Variants in ANO10 observed in about 807,000 individuals in gnomAD.
The protein encoded by ANO10 is anoctamin 10.
ANO10 carries 77 observed loss-of-function variants against 74.7 expected under a neutral mutation model. That is an observed-to-expected ratio of 1.03 (90% CI 0.86 to 1.25). The LOEUF (loss-of-function observed/expected upper bound fraction) is 1.25. Ranked by LOEUF, ANO10 falls within the 50% of genes most tolerant of loss-of-function variation. ANO10 has a pLI of 0.00. For missense variants in ANO10, 721 were observed against 778.1 expected, an observed-to-expected ratio of 0.93 and a Z score of 0.87; for synonymous variants, 279 against 284.9, an observed-to-expected ratio of 0.98 and a Z score of 0.21.
chr3:43,445,444 C>T (rs1379527109), intron 11 of ANO10, among the ~76,000 whole-genome samples: 1 of 152,040 alleles, frequency 6.6e-6, no homozygotes, highest in Non-Finnish European at 1.5e-5. Context: ...TAATCTAAAA[C>T]TATCTTAAAA....
intron 11 of ANO10, among the ~76,000 whole-genome samples, chr3:43,481,934 T>C (rs535439454): frequency 2.0e-5 from 3 of 148,026 alleles, no homozygotes; most frequent in East Asian, 2.0e-4. Context: ...TTTCTTTTTT[T>C]TTTTTTTTTT....
chr3:43,557,064 T>C (rs2079785714), intron 9 of ANO10, among the ~76,000 whole-genome samples: 1 of 151,920 alleles, frequency 6.6e-6, no homozygotes, highest in Admixed American at 6.6e-5. Flanking sequence ...AATTAGAAAT[T>C]GTATTTTTAA....
intron 11 of ANO10, among the ~76,000 whole-genome samples, chr3:43,462,236 G>A (rs1234557638): frequency 1.3e-5 from 2 of 152,112 alleles, no homozygotes; most frequent in Non-Finnish European, 2.9e-5. Context: ...TATTTTGTTT[G>A]TTTGCTTTTC....
At chr3:43,664,668 C>T (rs1289102055) in intron 1 of ANO10, among the ~76,000 whole-genome samples, 1 of 151,938 alleles carries the variant, frequency 6.6e-6, no homozygotes, top group African/African-American at 2.4e-5. Context: ...CTACAAAGAA[C>T]TTAAATTTAC....
At chr3:43,427,293 G>A (rs1002178560) in intron 12 of ANO10, among the ~76,000 whole-genome samples, 1 of 152,098 alleles carries the variant, frequency 6.6e-6, no homozygotes, top group Non-Finnish European at 1.5e-5. Context: ...ATTGATAAAA[G>A]TGGGGTGGAG....
At chr3:43,529,934 G>C (rs182118706) in intron 11 of ANO10, among the ~76,000 whole-genome samples, 51 of 152,162 alleles carry the variant, frequency 3.4e-4, no homozygotes, top group African/African-American at 1.2e-3. Flanking sequence ...AACATATTCT[G>C]CATCTCAATT....
intron 4 of ANO10, among the ~76,000 whole-genome samples, chr3:43,585,285 G>A (rs539928433): frequency 9.9e-5 from 15 of 152,080 alleles, no homozygotes; most frequent in African/African-American, 3.6e-4. Context: ...CAATGACCAT[G>A]ATCAAAATGA....
intron 1 of ANO10, among the ~76,000 whole-genome samples, chr3:43,639,988 G>A (rs1376492869): frequency 6.6e-5 from 10 of 152,150 alleles, no homozygotes; most frequent in Admixed American, 6.5e-4. Context: ...AGTCCTGAGA[G>A]TCGGGGTTGC....
intron 4 of ANO10, among the ~76,000 whole-genome samples, chr3:43,583,846 A>G (rs907539763): frequency 3.3e-5 from 5 of 152,232 alleles, no homozygotes; most frequent in Non-Finnish European, 1.5e-5. Flanking sequence ...AAATGCTATC[A>G]TAAGGTTCTA....
chr3:43,617,223 C>T (rs528664128), intron 1 of ANO10, among the ~76,000 whole-genome samples: 9 of 150,748 alleles, frequency 6.0e-5, no homozygotes, highest in African/African-American at 2.2e-4. Context: ...TTAAGTCTTC[C>T]TGCAGGTGTA....
chr3:43,531,912 A>C (rs2078486614), intron 11 of ANO10, among the ~76,000 whole-genome samples: 1 of 151,742 alleles, frequency 6.6e-6, no homozygotes, highest in African/African-American at 2.4e-5. Context: ...AAAAAAAAAA[A>C]ACAAAACCCA....
At chr3:43,641,504 C>T (rs372591979) in intron 1 of ANO10, among the ~76,000 whole-genome samples, 53 of 152,182 alleles carry the variant, frequency 3.5e-4, no homozygotes, top group Middle Eastern at 3.2e-3. Flanking sequence ...CTTTGTGCAA[C>T]ATCCATTGCC....
At chr3:43,521,429 C>T (rs2077951548) in intron 11 of ANO10, among the ~76,000 whole-genome samples, 1 of 152,196 alleles carries the variant, frequency 6.6e-6, no homozygotes, top group East Asian at 1.9e-4. Flanking sequence ...AGTAGAGAAC[C>T]CCAATCTCTT....
chr3:43,384,976 AACAG>A (rs1559496455), intron 12 of ANO10, among the ~76,000 whole-genome samples: 1 of 152,218 alleles, frequency 6.6e-6, no homozygotes, highest in African/African-American at 2.4e-5. Context: ...CAGCAGAGTT[AACAG>A]ACAACCCACA....
chr3:43,387,370 C>T (rs528521277), intron 12 of ANO10, among the ~76,000 whole-genome samples: 1 of 152,292 alleles, frequency 6.6e-6, no homozygotes, highest in South Asian at 2.1e-4. Flanking sequence ...TGCCCCTTAT[C>T]ACTCCCATGT....
At chr3:43,572,728 C>A (rs1044797276) in intron 7 of ANO10, among the ~76,000 whole-genome samples, 15 of 152,196 alleles carry the variant, frequency 9.9e-5, no homozygotes, top group African/African-American at 3.4e-4. Flanking sequence ...CCTCCCAGCC[C>A]CCATGCTGAC....
chr3:43,551,022 C>G (rs2079433164), intron 10 of ANO10, among the ~76,000 whole-genome samples: 1 of 152,158 alleles, frequency 6.6e-6, no homozygotes, highest in African/African-American at 2.4e-5. Flanking sequence ...TCTTGAGGGA[C>G]TTTCTGTGTC....
At chr3:43,631,464 C>A (rs1011841637) in intron 1 of ANO10, among the ~76,000 whole-genome samples, 6 of 152,170 alleles carry the variant, frequency 3.9e-5, no homozygotes, top group African/African-American at 1.4e-4. Context: ...AGTATCCACC[C>A]TTCTCAAACC....
chr3:43,560,639 G>C (rs1328019416), intron 9 of ANO10, among the ~76,000 whole-genome samples: 2 of 152,150 alleles, frequency 1.3e-5, no homozygotes, highest in Non-Finnish European at 2.9e-5. Context: ...ATAAAAGTTG[G>C]CTGAACACAT....
Sources: allele counts gnomAD v4.1 joint callset (sites outside exome capture counted in the v4.1 genomes callset), GRCh38; gene constraint gnomAD v4.1.1; transcripts MANE v1.5; gene names NCBI Gene and HGNC (gene_info 2026-07-23, HGNC 2026-07-21).